The following WWOX variants were observed in gnomAD, a reference collection of about 807,000 sequenced individuals.
WWOX encodes the protein WW domain containing oxidoreductase, also known as WW domain-containing oxidoreductase.
WWOX carries 69 observed loss-of-function variants against 46.2 expected under a neutral mutation model. That is an observed-to-expected ratio of 1.49 (90% CI 1.23 to 1.82). The LOEUF (loss-of-function observed/expected upper bound fraction) is 1.82, where lower values mean the gene tolerates loss of function less well. Among genes scored for constraint, WWOX ranks in the 40% most tolerant of loss-of-function variants. The pLI, the probability that WWOX is intolerant of heterozygous loss-of-function variation, is 0.00. For synonymous variants in WWOX, 359 were observed against 202.6 expected (o/e 1.77, Z -6.56); for missense variants, 919 against 542.6 (o/e 1.69, Z -6.89).
At chr16:78,597,374 C>T (rs79912875) in intron 8 of WWOX, among the ~76,000 whole-genome samples, 2,006 of 152,314 alleles carry the variant, frequency 0.013, 45 homozygotes, top group African/African-American at 0.046. Context: ...TTGGATTCTA[C>T]GGTGGCTCTT....
chr16:79,109,919 G>A (rs557993975), intron 8 of WWOX, among the ~76,000 whole-genome samples: 29 of 152,156 alleles, frequency 1.9e-4, no homozygotes, highest in Non-Finnish European at 2.1e-4. Context: ...AGAAACTTTG[G>A]AGTAGTATGT....
intron 5 of WWOX, among the ~76,000 whole-genome samples, chr16:78,257,620 A>T (rs1483113770): frequency 6.6e-6 from 1 of 152,146 alleles, no homozygotes; most frequent in Admixed American, 6.5e-5. Context: ...AAAACCAAGG[A>T]ATGGAATCTG....
chr16:78,361,151 A>G (rs1043456237), intron 5 of WWOX, among the ~76,000 whole-genome samples: 2 of 149,562 alleles, frequency 1.3e-5, no homozygotes, highest in Admixed American at 6.6e-5. Flanking sequence ...ATAGTTGCTT[A>G]CTTATTTCCT....
At chr16:78,701,517 TCTAC>T (rs1253011089) in intron 8 of WWOX, among the ~76,000 whole-genome samples, 2 of 152,114 alleles carry the variant, frequency 1.3e-5, no homozygotes, top group African/African-American at 4.8e-5. Flanking sequence ...ATCTCTTCTA[TCTAC>T]CTGTCTCTAC....
intron 8 of WWOX, among the ~76,000 whole-genome samples, chr16:78,623,894 A>G (rs2046248166): frequency 6.6e-6 from 1 of 152,184 alleles, no homozygotes; most frequent in Non-Finnish European, 1.5e-5. Context: ...TATAGAATAA[A>G]ATATCATCAG....
intron 8 of WWOX, among the ~76,000 whole-genome samples, chr16:78,724,539 A>G (rs1283451020): frequency 3.9e-5 from 6 of 152,200 alleles, no homozygotes; most frequent in Admixed American, 1.3e-4. Context: ...ATTACAGTCC[A>G]TTATTTACAG....
intron 5 of WWOX, among the ~76,000 whole-genome samples, chr16:78,358,722 G>A (rs1382110376): frequency 6.6e-6 from 1 of 151,584 alleles, no homozygotes; most frequent in Non-Finnish European, 1.5e-5. Flanking sequence ...TACAAATGAG[G>A]GAAAATATAC....
At chr16:78,313,017 GC>G (rs1222615115) in intron 5 of WWOX, among the ~76,000 whole-genome samples, 4 of 151,794 alleles carry the variant, frequency 2.6e-5, no homozygotes, top group African/African-American at 9.7e-5. Context: ...ATTCACGGGG[GC>G]AGATTTGTGT....
chr16:78,960,845 T>G (rs2046258086), intron 8 of WWOX, among the ~76,000 whole-genome samples: 1 of 152,226 alleles, frequency 6.6e-6, no homozygotes, highest in Admixed American at 6.5e-5. Context: ...CTGCCTCAGT[T>G]GCTTTATTTA....
At chr16:78,293,983 A>AC (rs2079901177) in intron 5 of WWOX, among the ~76,000 whole-genome samples, 2 of 114,918 alleles carry the variant, frequency 1.7e-5, no homozygotes, top group Non-Finnish European at 3.7e-5. Context: ...TCTCAGAAAA[A>AC]AAAAAAAAAA....
intron 8 of WWOX, among the ~76,000 whole-genome samples, chr16:78,720,370 A>C (rs2048660815): frequency 6.6e-6 from 1 of 152,052 alleles, no homozygotes; most frequent in South Asian, 2.1e-4. Context: ...TTTTCACAAG[A>C]AATTTTGCTT....
chr16:78,789,150 G>A (rs570976545), intron 8 of WWOX, among the ~76,000 whole-genome samples: 2 of 152,112 alleles, frequency 1.3e-5, no homozygotes, highest in Admixed American at 6.5e-5. Flanking sequence ...CCCTCCTCTC[G>A]CATTTGGTGA....
intron 8 of WWOX, among the ~76,000 whole-genome samples, chr16:78,917,168 C>T (rs1206148030): frequency 6.6e-6 from 1 of 152,154 alleles, no homozygotes; most frequent in Non-Finnish European, 1.5e-5. Flanking sequence ...ATTTTTGTAG[C>T]CATGGAGATT....
At chr16:78,562,293 G>A (rs55705085) in intron 8 of WWOX, among the ~76,000 whole-genome samples, 4,312 of 152,292 alleles carry the variant, frequency 0.028, 85 homozygotes, top group Non-Finnish European at 0.042. Flanking sequence ...TACTCTGAGA[G>A]CTCACTTTAT....
chr16:78,386,886 C>T lies in WWOX; in HGVS notation c.543C>T (p.Thr181=), dbSNP rs1439435587. Residue 181 remains threonine (T), a synonymous_variant, in exon 6 of 9, where the codon ACC becomes ACT. Coordinates refer to ENST00000566780, the MANE Select transcript of WWOX (RefSeq NM_016373.4). Reference sequence around the variant, plus strand: ...ATAAAGCCAAGGTAGAAGCAATGACCCTGGACCTCGCTCTGCTCCGTAGCG... The same window carrying T: ...ATAAAGCCAAGGTAGAAGCAATGACTCTGGACCTCGCTCTGCTCCGTAGCG... ...EWHKAKVEAM[T]LDLALLRSVQ... is the part of the protein sequence containing the mutation. 2 of 1,613,892 alleles carry T rather than the reference C, an allele frequency of 1.2e-6. No individual in the cohort carries two copies. Among genetic ancestry groups the T allele is most frequent in the Non-Finnish European group, 1.7e-6 (2 of 1,179,984 alleles).
chr16:79,050,443 A>T (rs573788389), intron 8 of WWOX, among the ~76,000 whole-genome samples: 37 of 152,312 alleles, frequency 2.4e-4, no homozygotes, highest in African/African-American at 8.9e-4. Context: ...AAAACACATA[A>T]GGACTTTCAA....
At chr16:78,641,233 G>C (rs979620733) in intron 8 of WWOX, among the ~76,000 whole-genome samples, 1 of 151,896 alleles carries the variant, frequency 6.6e-6, no homozygotes, top group Non-Finnish European at 1.5e-5. Context: ...TTTCCCCCAG[G>C]AGATTTTTTT....
At chr16:78,965,145 C>T (rs1206748178) in intron 8 of WWOX, among the ~76,000 whole-genome samples, 8 of 152,162 alleles carry the variant, frequency 5.3e-5, no homozygotes, top group African/African-American at 1.7e-4. Flanking sequence ...GGGCACTGCC[C>T]AGTGGATCTG....
intron 8 of WWOX, among the ~76,000 whole-genome samples, chr16:78,800,024 G>T (rs2050845209): frequency 6.6e-6 from 1 of 152,074 alleles, no homozygotes; most frequent in Admixed American, 6.5e-5. Context: ...CATTAAAATG[G>T]GCAGAAGGGA....
Sources: gnomAD v4.1 joint callset for allele counts (sites outside exome capture counted in the v4.1 genomes callset) on GRCh38, gnomAD v4.1.1 for gene constraint, MANE v1.5 for transcripts, NCBI Gene and HGNC (gene_info 2026-07-23, HGNC 2026-07-21) for gene names.